The following GPBP1 variants were observed in gnomAD, a reference collection of about 807,000 sequenced individuals.
GPBP1 encodes the protein GC-rich promoter binding protein 1, also known as vasculin.
GPBP1 carries 13 observed loss-of-function variants against 56.5 expected under a neutral mutation model. The observed-to-expected ratio is 0.23, with a 90% CI of 0.15 to 0.37. The LOEUF (loss-of-function observed/expected upper bound fraction) is 0.37. Among genes scored for constraint, GPBP1 ranks in the 10% least tolerant of loss-of-function variants. The pLI is 1.00. For missense variants in GPBP1, 477 were observed against 572.3 expected (o/e 0.83, Z 1.70); for synonymous variants, 204 against 188.9 (o/e 1.08, Z -0.66).
intron 2 of GPBP1, among the ~76,000 whole-genome samples, chr5:57,177,875 T>C (rs1753863014): frequency 6.6e-6 from 1 of 150,888 alleles, no homozygotes; most frequent in African/African-American, 2.4e-5. Flanking sequence ...TTGAACCAAT[T>C]TTTTTTTTGC....
intron 3 of GPBP1, among the ~76,000 whole-genome samples, chr5:57,215,290 T>C (rs1755654826): frequency 6.6e-6 from 1 of 152,260 alleles, no homozygotes; most frequent in Admixed American, 6.5e-5. Flanking sequence ...ATCTCCTTTA[T>C]GAGGGAAAGT....
Position 57,262,692 on chromosome 5 carries a change from A to T in GPBP1, c.1362A>T (p.Thr454=). 6.2e-7 allele frequency: 1 copy of T among 1,613,920 alleles called. No individual in the cohort carries two copies. Residue 454 remains threonine (T), a synonymous_variant, in exon 12 of 12, where the codon ACA becomes ACT. Coordinates refer to ENST00000506184, the MANE Select transcript of GPBP1 (RefSeq NM_022913.4). ...GPWKNSTFKP[T]TENDDTETSS... is the part of the protein sequence containing the mutation. ...GGAAGAACAGCACTTTCAAACCCAC[A>T]ACTGAGAATGATGACACAGAGACAA...
chr5:57,226,590 T>TG (rs1305595532), intron 3 of GPBP1, among the ~76,000 whole-genome samples: 1 of 143,648 alleles, frequency 7.0e-6, no homozygotes, highest in Non-Finnish European at 1.5e-5. Context: ...GATTGAGTCT[T>TG]GCTCTGTCAC....
Position 57,174,159 on chromosome 5 carries a change from G to C in GPBP1, c.-1063G>C, listed in dbSNP as rs1753688910. The C allele has an allele frequency of 6.5e-6, 1 of 153,158 alleles. No individual in the cohort carries two copies. Among genetic ancestry groups the C allele is most frequent in the Admixed American group, 6.5e-5 (1 of 15,272 alleles). 9.5% of individuals were successfully genotyped at this position (153,158 alleles called of 1,614,324 possible). On this transcript the variant is annotated 5_prime_UTR_variant, in exon 1 of 12. Transcript: ENST00000506184. ...TCAAAGTACCGAAAACCTTCTCCCG[G>C]GATCAGGCGCGGCGGCACCCCCAGG...
chr5:57,213,092 T>C (rs1490444779), intron 2 of GPBP1, among the ~76,000 whole-genome samples: 1 of 152,078 alleles, frequency 6.6e-6, no homozygotes, highest in African/African-American at 2.4e-5. Context: ...CTTGCTCTTT[T>C]GCCCAGGCTG....
At chr5:57,179,858 AT>A (rs1209081089) in intron 2 of GPBP1, among the ~76,000 whole-genome samples, 3 of 152,060 alleles carry the variant, frequency 2.0e-5, no homozygotes, top group African/African-American at 7.2e-5. Context: ...CTGCCTCCCA[AT>A]ATGCTGGGAT....
At chr5:57,229,567 C>T (rs1156459960) in intron 3 of GPBP1, among the ~76,000 whole-genome samples, 3 of 151,680 alleles carry the variant, frequency 2.0e-5, no homozygotes, top group Admixed American at 1.3e-4. Context: ...TACTCTGTCT[C>T]GTCCAGGCTC....
At chr5:57,233,458 A>G (rs568346840) in intron 5 of GPBP1, among the ~76,000 whole-genome samples, 69 of 152,244 alleles carry the variant, frequency 4.5e-4, no homozygotes, top group African/African-American at 1.6e-3. Context: ...TTGAAGTCCA[A>G]TTTGCTTATA....
intron 2 of GPBP1, among the ~76,000 whole-genome samples, chr5:57,182,150 C>T (rs367605911): frequency 6.6e-6 from 1 of 152,130 alleles, no homozygotes; most frequent in African/African-American, 2.4e-5. Flanking sequence ...GTGGCATGAT[C>T]TTGGCTCACT....
chr5:57,214,600 AAAAC>A (rs1462341601), intron 3 of GPBP1, among the ~76,000 whole-genome samples: 2 of 152,176 alleles, frequency 1.3e-5, no homozygotes, highest in Admixed American at 6.5e-5. Flanking sequence ...AAACAAAACA[AAAAC>A]AAAAACCCAA....
chr5:57,243,106 C>T (rs964979517), intron 6 of GPBP1, among the ~76,000 whole-genome samples: 39 of 151,794 alleles, frequency 2.6e-4, no homozygotes, highest in African/African-American at 9.0e-4. Context: ...GTCACTCTGT[C>T]GCCCAGGCTG....
At chr5:57,225,578 GTAAGAAT>G (rs1274566571) in intron 3 of GPBP1, among the ~76,000 whole-genome samples, 1 of 150,730 alleles carries the variant, frequency 6.6e-6, no homozygotes, top group African/African-American at 2.4e-5. Context: ...ATTCTACAAA[GTAAGAAT>G]TAAGATTGCT....
intron 3 of GPBP1, among the ~76,000 whole-genome samples, chr5:57,228,172 G>A (rs1445104270): frequency 6.6e-6 from 1 of 151,970 alleles, no homozygotes; most frequent in African/African-American, 2.4e-5. Flanking sequence ...GAATATCAAA[G>A]CTAGCTGGGC....
At chr5:57,225,356 T>TG (rs1756133300) in intron 3 of GPBP1, among the ~76,000 whole-genome samples, 1 of 151,606 alleles carries the variant, frequency 6.6e-6, no homozygotes, top group African/African-American at 2.4e-5. Flanking sequence ...TAGCCAGGCG[T>TG]GGTGGCGGGC....
intron 3 of GPBP1, among the ~76,000 whole-genome samples, chr5:57,223,428 A>G (rs1263691746): frequency 6.6e-6 from 1 of 152,144 alleles, no homozygotes; most frequent in African/African-American, 2.4e-5. Context: ...GAAGTTTGTC[A>G]GATTAGCTCC....
At chr5:57,243,398 T>A (rs1197395408) in intron 6 of GPBP1, among the ~76,000 whole-genome samples, 23 of 152,218 alleles carry the variant, frequency 1.5e-4, no homozygotes, top group African/African-American at 5.5e-4. Context: ...AATAACGGTA[T>A]ATCCCTCCCC....
chr5:57,181,151 T>G (rs976068118), intron 2 of GPBP1, among the ~76,000 whole-genome samples: 3 of 152,048 alleles, frequency 2.0e-5, no homozygotes, highest in African/African-American at 7.2e-5. Flanking sequence ...CTGAGAAACA[T>G]AACAAGACTG....
chr5:57,234,971 T>A (rs991050074), intron 5 of GPBP1, among the ~76,000 whole-genome samples: 2 of 151,780 alleles, frequency 1.3e-5, no homozygotes, highest in Non-Finnish European at 2.9e-5. Context: ...TACAGAGCTA[T>A]GAGATAATAA....
chr5:57,193,248 C>T (rs1005518404), intron 2 of GPBP1, among the ~76,000 whole-genome samples: 3 of 151,826 alleles, frequency 2.0e-5, no homozygotes, highest in East Asian at 1.9e-4. Context: ...ACTGGGAGGC[C>T]GAGGTTGCAG....
Sources: gnomAD v4.1 joint callset for allele counts (sites outside exome capture counted in the v4.1 genomes callset) on GRCh38, gnomAD v4.1.1 for gene constraint, MANE v1.5 for transcripts, NCBI Gene and HGNC (gene_info 2026-07-23, HGNC 2026-07-21) for gene names.